ALDH4A1: variants seen among roughly 807,000 people sequenced by gnomAD.
The protein encoded by ALDH4A1 is aldehyde dehydrogenase 4 family member A1.
Under a neutral mutation model 70.5 loss-of-function variants are expected in ALDH4A1, and 46 were observed. The observed-to-expected ratio is 0.65, with a 90% confidence interval of 0.51 to 0.83. ALDH4A1 has a LOEUF of 0.83. Among genes scored for constraint, ALDH4A1 ranks in the 40% least tolerant of loss-of-function variants. The probability of loss-of-function intolerance (pLI) is 0.00; values close to 1 mark genes in which losing one functional copy is unlikely to be tolerated. For missense variants in ALDH4A1, 749 were observed against 766.5 expected, an observed-to-expected ratio of 0.98 and a Z score of 0.27; for synonymous variants, 323 against 324.3, an observed-to-expected ratio of 1.00 and a Z score of 0.04.
intron 12 of ALDH4A1, 116 bp downstream of exon 12, chr1:18,876,199 G>A: frequency 7.2e-7 from 1 of 1,381,668 alleles, no homozygotes; most frequent in Non-Finnish European, 1.0e-6. Context: ...CCCTTTTAGG[G>A]TCTCCCTTTA....
At chr1:18,884,958 A>G (rs150939336) in intron 5 of ALDH4A1, among the ~76,000 whole-genome samples, 16 of 152,190 alleles carry the variant, frequency 1.1e-4, no homozygotes, top group Non-Finnish European at 2.1e-4. Context: ...AAATGGCTAC[A>G]CTATGGGCAG....
At chr1:18,883,712 T>C (rs985805498) in intron 5 of ALDH4A1, among the ~76,000 whole-genome samples, 1 of 152,214 alleles carries the variant, frequency 6.6e-6, no homozygotes, top group Non-Finnish European at 1.5e-5. Flanking sequence ...CTGTCTTCAT[T>C]TCATAGCAAC....
Position 18,898,516 on chromosome 1 carries a change from G to A in ALDH4A1, c.62+3946C>T, listed in dbSNP as rs766546141. Among the ~76,000 whole-genome samples, 2 of 152,200 alleles carry A rather than the reference G, an allele frequency of 1.3e-5. No individual in the cohort carries two copies. Among genetic ancestry groups the A allele is most frequent in the Non-Finnish European group, 2.9e-5 (2 of 68,026 alleles). On this transcript the variant is annotated intron_variant, in intron 1 of 14. Transcript: ENST00000375341. This position sits in a 1 kb window ranked among gnomAD's most constrained non-coding sequence, Gnocchi z 4.3. Reference sequence around the variant, plus strand: ...GATCACTCCAGGAAGCCCATTGGTGGGAGAGGGGGATCATCATAACCACAG... The same window carrying A: ...GATCACTCCAGGAAGCCCATTGGTGAGAGAGGGGGATCATCATAACCACAG...
At chr1:18,875,269 C>T in intron 13 of ALDH4A1, 113 bp downstream of exon 13, 1 of 1,548,780 alleles carries the variant, frequency 6.5e-7, no homozygotes, top group South Asian at 1.1e-5. Context: ...GGGGAGGGGA[C>T]AGAGAGAAGG....
chr1:18,886,268 C>T (rs1935196747), intron 4 of ALDH4A1, among the ~76,000 whole-genome samples, 196 bp downstream of exon 4: 1 of 152,182 alleles, frequency 6.6e-6, no homozygotes, highest in South Asian at 2.1e-4. Context: ...TCAAGTTAAC[C>T]TTTGTATGCC....
chr1:18,898,145 G>A lies in ALDH4A1; in HGVS notation c.62+4317C>T, dbSNP rs1180912075. On this transcript the variant is annotated intron_variant, in intron 1 of 14. Coordinates refer to ENST00000375341, the MANE Select transcript of ALDH4A1 (RefSeq NM_003748.4). This position sits in a 1 kb window ranked among gnomAD's most constrained non-coding sequence, Gnocchi z 4.3. ...ATCCTGGCCAACATGGTGAAACCCC[G>A]TCTCTACGAAAAAAAAAAAATACAA... is the stretch of plus-strand genomic sequence containing the variant. Among the ~76,000 whole-genome samples the A allele has an allele frequency of 7.3e-5, 11 of 151,292 alleles. No individual in the cohort carries two copies. Among genetic ancestry groups the A allele is most frequent in the Admixed American group, 1.3e-4 (2 of 15,214 alleles).
intron 12 of ALDH4A1, 42 bp from the exon 13 acceptor site, chr1:18,875,545 G>GGACCACGGCCCTGAGCCC (rs1934644085): frequency 1.2e-6 from 2 of 1,613,268 alleles, no homozygotes; most frequent in South Asian, 1.1e-5. Context: ...ACGGGACCAG[G>GGACCACGGCCCTGAGCCC]GACCAGGGCC....
Position 18,883,297 on chromosome 1 carries a change from C to A in ALDH4A1, c.585G>T (p.Thr195=). 6.2e-7 allele frequency: 1 copy of A among 1,613,268 alleles called. No homozygotes were observed. The highest frequency in any genetic ancestry group is 8.5e-7 in the Non-Finnish European group (1 of 1,180,050). Residue 195 remains threonine (T), a synonymous_variant, in exon 6 of 15, where the codon ACG becomes ACT. Transcript: ENST00000375341. The part of the protein sequence containing the change: ...PISVPPSTNS[T]VYRGLEGFVA... ...CAGGTACCTCCAGACCCCGGTACAC[C>A]GTGCTGTTGGTGCTCGGGGGCACGC...
chr1:18,892,592 G>C (rs1935481568), intron 1 of ALDH4A1, among the ~76,000 whole-genome samples: 5 of 151,794 alleles, frequency 3.3e-5, no homozygotes, highest in Non-Finnish European at 7.4e-5. Flanking sequence ...CGTGGTAGAG[G>C]GAGAGGGAGA....
At chr1:18,881,608 C>G (rs919700303) in intron 8 of ALDH4A1, 92 bp downstream of exon 8, 1 of 1,437,052 alleles carries the variant, frequency 7.0e-7, no homozygotes, top group Non-Finnish European at 9.7e-7. Context: ...GTGCATGACC[C>G]CTGGGTTCAC....
intron 1 of ALDH4A1, among the ~76,000 whole-genome samples, chr1:18,896,555 A>G (rs1436133503): frequency 6.6e-6 from 1 of 152,206 alleles, no homozygotes; most frequent in African/African-American, 2.4e-5. Flanking sequence ...AGGCAACACT[A>G]GGTGAGCAGA....
intron 1 of ALDH4A1, among the ~76,000 whole-genome samples, chr1:18,891,288 C>T (rs1935422533): frequency 6.6e-6 from 1 of 152,158 alleles, no homozygotes; most frequent in Non-Finnish European, 1.5e-5. Context: ...TCCCATCTAC[C>T]GTGGCATAGG....
intron 1 of ALDH4A1, chr1:18,890,788 A>C: frequency 2.0e-6 from 2 of 985,480 alleles, no homozygotes; most frequent in Non-Finnish European, 2.4e-6. Context: ...CCCACAAGGC[A>C]GGCTTTATCC....
At chr1:18,874,067 G>A (rs1287305283) in intron 14 of ALDH4A1, among the ~76,000 whole-genome samples, 2 of 152,216 alleles carry the variant, frequency 1.3e-5, no homozygotes, top group Non-Finnish European at 2.9e-5. Context: ...GGAAACCCCA[G>A]CACGCCTGGG....
intron 1 of ALDH4A1, chr1:18,891,004 T>A: frequency 2.0e-6 from 1 of 507,770 alleles, no homozygotes; most frequent in Non-Finnish European, 2.5e-6. Context: ...GGGGGTGAGG[T>A]GCCTGATTCC....
intron 14 of ALDH4A1, 27 bp downstream of exon 14, chr1:18,874,436 C>A: frequency 1.2e-6 from 2 of 1,601,000 alleles, no homozygotes; most frequent in Non-Finnish European, 1.7e-6. Context: ...GAACTCAGCT[C>A]CCCTGTGGGA....
At chr1:18,892,608 G>A (rs940902968) in intron 1 of ALDH4A1, among the ~76,000 whole-genome samples, 1 of 151,766 alleles carries the variant, frequency 6.6e-6, no homozygotes, top group African/African-American at 2.4e-5. Context: ...GGAGAGGCAG[G>A]GGCAGGGCAC....
chr1:18,890,696 G>A (rs1052913892), intron 1 of ALDH4A1: 20 of 985,376 alleles, frequency 2.0e-5, no homozygotes, highest in South Asian at 4.7e-5. Flanking sequence ...GAACTCACGC[G>A]GTTGTTTGAA....
At position 18,876,368 on chromosome 1, in the gene ALDH4A1, C is replaced by A. The variant is rs1340414477; in HGVS notation, c.1285G>T (p.Val429Leu). Reference protein sequence around the residue: ...GKCDDSVGYFVEPCIVESKDP... With the variant: ...GKCDDSVGYFLEPCIVESKDP... The stretch of plus-strand genomic sequence containing the variant: ...TTGCTCTCCACGATGCAGGGCTCCA[C>A]AAAGTAGCCCACGGAGTCATCACAC... Residue 429 changes from valine to leucine, a missense_variant, in exon 12 of 15, where the codon GTG (valine) becomes TTG (leucine). By Grantham distance (32) the Val-to-Leu change is conservative. Transcript: ENST00000375341. The A allele has an allele frequency of 1.2e-6, 2 of 1,613,806 alleles. No homozygotes were observed. The highest frequency in any genetic ancestry group is 1.7e-6 in the Non-Finnish European group (2 of 1,179,976).
Sources: gnomAD v4.1 joint callset for allele counts (sites outside exome capture counted in the v4.1 genomes callset) on GRCh38, gnomAD v4.1.1 for gene constraint, Gnocchi (gnomAD v3.1) non-coding constraint, MANE v1.5 for transcripts, NCBI Gene and HGNC (gene_info 2026-07-23, HGNC 2026-07-21) for gene names.